PCSK5: variants seen among roughly 807,000 people sequenced by gnomAD.
PCSK5 encodes the protein proprotein convertase subtilisin/kexin type 5, also known as prohormone convertase 5.
A neutral mutation model predicts 233.2 loss-of-function variants in PCSK5; 129 were observed. The observed-to-expected ratio is 0.55, with a 90% CI of 0.48 to 0.64. The LOEUF is 0.64. PCSK5 is among the 30% of genes least tolerant of loss of function. PCSK5 has a pLI of 0.00. For missense variants in PCSK5, 2,076 were observed against 2,430.1 expected (o/e 0.85, Z 3.06); for synonymous variants, 825 against 879.2 (o/e 0.94, Z 1.09).
At chr9:76,117,121 C>A (rs1318273046) in intron 9 of PCSK5, among the ~76,000 whole-genome samples, 1 of 151,950 alleles carries the variant, frequency 6.6e-6, no homozygotes, top group Admixed American at 6.6e-5. Flanking sequence ...ATACATCTTA[C>A]AAGTCATAGT....
intron 2 of PCSK5, among the ~76,000 whole-genome samples, chr9:75,974,477 T>A (rs1429249341): frequency 1.3e-5 from 2 of 152,144 alleles, no homozygotes; most frequent in East Asian, 3.9e-4. Flanking sequence ...CCCGGGGATT[T>A]TGGACAGCAT....
At chr9:76,311,437 T>A (rs561003046) in intron 30 of PCSK5, among the ~76,000 whole-genome samples, 1 of 152,214 alleles carries the variant, frequency 6.6e-6, no homozygotes, top group African/African-American at 2.4e-5. Flanking sequence ...AAAGTAAGGC[T>A]GTGATGTGCA....
At chr9:76,052,263 A>G (rs1829656797) in intron 5 of PCSK5, among the ~76,000 whole-genome samples, 1 of 152,208 alleles carries the variant, frequency 6.6e-6, no homozygotes, top group South Asian at 2.1e-4. Context: ...AACCATAAAC[A>G]TATATACATA....
chr9:76,145,237 GC>G (rs1234738550), intron 10 of PCSK5, among the ~76,000 whole-genome samples: 1 of 152,176 alleles, frequency 6.6e-6, no homozygotes, highest in Non-Finnish European at 1.5e-5. Context: ...TAAGTGCCAA[GC>G]ACAAATCTAT....
intron 32 of PCSK5, among the ~76,000 whole-genome samples, chr9:76,324,372 A>T (rs905184124): frequency 6.6e-6 from 1 of 152,108 alleles, no homozygotes; most frequent in African/African-American, 2.4e-5. Context: ...CTGGGATTAT[A>T]GGTGGCTGCC....
intron 9 of PCSK5, among the ~76,000 whole-genome samples, chr9:76,127,219 G>T (rs1035961307): frequency 6.6e-6 from 1 of 152,170 alleles, no homozygotes; most frequent in Non-Finnish European, 1.5e-5. Context: ...TTTTTGAGGT[G>T]AGAACTCTGC....
At chr9:76,125,792 A>G (rs1832825635) in intron 9 of PCSK5, among the ~76,000 whole-genome samples, 1 of 152,224 alleles carries the variant, frequency 6.6e-6, no homozygotes, top group South Asian at 2.1e-4. Flanking sequence ...AAGGCTTCCA[A>G]GGCCAAGGTC....
At chr9:76,272,773 C>CAAAAAAAAAAAAAAAAAAAAAAAAA in intron 24 of PCSK5, among the ~76,000 whole-genome samples, 1 of 49,952 alleles carries the variant, frequency 2.0e-5, no homozygotes, top group Non-Finnish European at 3.8e-5. Flanking sequence ...GACTCCATCT[C>CAAAAAAAAAAAAAAAAAAAAAAAAA]AAAAAAAAAA....
At chr9:76,209,461 T>C in intron 20 of PCSK5, 1 of 501,444 alleles carries the variant, frequency 2.0e-6, no homozygotes, top group Admixed American at 2.1e-5. Flanking sequence ...GAGATCTGTG[T>C]TTTGCCTACT....
chr9:76,210,198 A>G (rs955491689), intron 20 of PCSK5, among the ~76,000 whole-genome samples: 4 of 152,178 alleles, frequency 2.6e-5, no homozygotes, highest in African/African-American at 9.7e-5. Context: ...AATGCAGCCA[A>G]TGAAGGTTAT....
intron 24 of PCSK5, among the ~76,000 whole-genome samples, chr9:76,243,659 T>C (rs1377299944): frequency 6.6e-6 from 1 of 152,190 alleles, no homozygotes; most frequent in African/African-American, 2.4e-5. Context: ...GTGACTAGTG[T>C]AATATTTGCT....
At chr9:76,062,514 G>T (rs1830064368) in intron 5 of PCSK5, among the ~76,000 whole-genome samples, 1 of 152,192 alleles carries the variant, frequency 6.6e-6, no homozygotes, top group Non-Finnish European at 1.5e-5. Context: ...TGTCAAAGAT[G>T]AAAGAGATTG....
At chr9:76,195,928 G>C (rs1351509573) in intron 20 of PCSK5, 2 of 152,122 alleles carry the variant, frequency 1.3e-5, no homozygotes, top group African/African-American at 4.8e-5. Flanking sequence ...TTCTCTGAAA[G>C]GGTAAGGTCA....
rs116055767 is a variant in PCSK5, at chr9:75,992,671, G to A, written c.411+6426G>A. Reference sequence around the variant, plus strand: ...GTTTCTATTTGACTCTCAGACTCTAGTAATTCATATGACTGGTACTCTTGA... The same window carrying A: ...GTTTCTATTTGACTCTCAGACTCTAATAATTCATATGACTGGTACTCTTGA... On this transcript the variant is annotated intron_variant, in intron 3 of 37. Coordinates refer to ENST00000674117, the MANE Select transcript of PCSK5 (RefSeq NM_001372043.1). Among the ~76,000 whole-genome samples, 1,023 of 152,156 alleles carry A rather than the reference G, an allele frequency of 6.7e-3. 16 individuals are homozygous for A. Among genetic ancestry groups the A allele is most frequent in the African/African-American group, 0.022 (932 of 41,498 alleles).
intron 20 of PCSK5, among the ~76,000 whole-genome samples, chr9:76,200,307 T>A (rs886192364): frequency 6.6e-6 from 1 of 152,194 alleles, no homozygotes; most frequent in Non-Finnish European, 1.5e-5. Context: ...CAAAACCAGC[T>A]TGTTTGGGAC....
chr9:76,153,654 T>C (rs1370190093), intron 10 of PCSK5, among the ~76,000 whole-genome samples: 1 of 152,264 alleles, frequency 6.6e-6, no homozygotes, highest in African/African-American at 2.4e-5. Flanking sequence ...AATGTGAATA[T>C]TGGCTCTATC....
intron 20 of PCSK5, among the ~76,000 whole-genome samples, chr9:76,220,459 A>T (rs1328623570): frequency 6.7e-6 from 1 of 150,160 alleles, no homozygotes; most frequent in Non-Finnish European, 1.5e-5. Flanking sequence ...CATGGGAGGC[A>T]GAGGTTGCAG....
chr9:76,278,694 TATCTATCC>T (rs1352659581), intron 24 of PCSK5, among the ~76,000 whole-genome samples: 2 of 152,156 alleles, frequency 1.3e-5, no homozygotes, highest in African/African-American at 4.8e-5. Flanking sequence ...TCTATCTATC[TATCTATCC>T]ATCCATCCAT....
At chr9:76,289,493 A>G (rs1259869211) in intron 24 of PCSK5, among the ~76,000 whole-genome samples, 1 of 134,000 alleles carries the variant, frequency 7.5e-6, no homozygotes, top group Non-Finnish European at 1.6e-5. Flanking sequence ...ACACACACAC[A>G]CACACACACA....
Sources: gnomAD v4.1 joint callset for allele counts (sites outside exome capture counted in the v4.1 genomes callset) on GRCh38, gnomAD v4.1.1 for gene constraint, MANE v1.5 for transcripts, NCBI Gene and HGNC (gene_info 2026-07-23, HGNC 2026-07-21) for gene names.